Variants in EPM2A observed in about 807,000 individuals in gnomAD.
The protein encoded by EPM2A is EPM2A glucan phosphatase, laforin.
EPM2A carries 21 observed loss-of-function variants against 26.5 expected under a neutral mutation model. The observed-to-expected ratio is 0.79, with a 90% CI of 0.56 to 1.14. The LOEUF (loss-of-function observed/expected upper bound fraction) is 1.14. Among genes scored for constraint, EPM2A ranks in the 50% most tolerant of loss-of-function variants. The probability of loss-of-function intolerance (pLI) is 0.00; values close to 1 mark genes in which losing one functional copy is unlikely to be tolerated. For missense variants in EPM2A, 458 were observed against 440.8 expected, an observed-to-expected ratio of 1.04 and a Z score of -0.35; for synonymous variants, 217 against 177.6, an observed-to-expected ratio of 1.22 and a Z score of -1.76.
chr6:145,568,234 C>G (rs1212378603), intron 2 of EPM2A, among the ~76,000 whole-genome samples: 1 of 151,914 alleles, frequency 6.6e-6, no homozygotes, highest in Non-Finnish European at 1.5e-5. Flanking sequence ...CTCTCTGTTT[C>G]AAGTGAGAAA....
chr6:145,414,660 A>G (rs1326157384), intron 4 of EPM2A, among the ~76,000 whole-genome samples: 1 of 151,908 alleles, frequency 6.6e-6, no homozygotes, highest in Non-Finnish European at 1.5e-5. Context: ...ACATCCTATT[A>G]CTCTAACATC....
chr6:145,450,120 G>A (rs1468774970), intron 4 of EPM2A, among the ~76,000 whole-genome samples: 1 of 151,852 alleles, frequency 6.6e-6, no homozygotes, highest in South Asian at 2.1e-4. Flanking sequence ...TTGGGAGGCC[G>A]AGGTGGGCAG....
intron 1 of EPM2A, among the ~76,000 whole-genome samples, chr6:145,734,188 T>C (rs960902739): frequency 8.5e-5 from 13 of 152,190 alleles, no homozygotes; most frequent in Non-Finnish European, 7.3e-5. Flanking sequence ...AGAGGAAAAC[T>C]GAAAAGAACC....
chr6:145,439,917 C>T (rs181614098), intron 4 of EPM2A, among the ~76,000 whole-genome samples: 1 of 152,218 alleles, frequency 6.6e-6, no homozygotes, highest in African/African-American at 2.4e-5. Context: ...AATTGTATGT[C>T]CTACGTTATC....
At chr6:145,634,359 A>G (rs1274790641) in intron 3 of EPM2A, 1 of 152,298 alleles carries the variant, frequency 6.6e-6, no homozygotes, top group Non-Finnish European at 1.5e-5. Flanking sequence ...GCTTCCCCCT[A>G]GCATGCCCTT....
intron 4 of EPM2A, among the ~76,000 whole-genome samples, chr6:145,473,462 G>A (rs1779502089): frequency 6.6e-6 from 1 of 151,940 alleles, no homozygotes; most frequent in African/African-American, 2.4e-5. Flanking sequence ...CATATATAGA[G>A]GGGACAGAGA....
In EPM2A at chr6:145,409,346, T is replaced by C. The variant is rs1778612760; in HGVS notation, c.556-25249A>G. On this transcript the variant is annotated intron_variant, in intron 4 of 4. Transcript: ENST00000638717. ...ACAATATTTTATTCTTTAGAGACTA[T>C]CTATTTCTCCATATAGGTAGCCATT... Among the ~76,000 whole-genome samples the C allele has an allele frequency of 3.3e-5, 5 of 152,144 alleles. No individual in the cohort carries two copies. The South Asian group carries it at 1.0e-3, about 32-fold the overall frequency.
chr6:145,542,865 T>C (rs1780532633), intron 2 of EPM2A, among the ~76,000 whole-genome samples: 1 of 152,158 alleles, frequency 6.6e-6, no homozygotes, highest in Non-Finnish European at 1.5e-5. Flanking sequence ...TTCAAGTGAT[T>C]CTCTTGTCTC....
At chr6:145,453,789 C>T (rs1318235614) in intron 4 of EPM2A, among the ~76,000 whole-genome samples, 2 of 152,162 alleles carry the variant, frequency 1.3e-5, no homozygotes, top group Non-Finnish European at 2.9e-5. Context: ...CAAGTTCACC[C>T]TCATGTGTCA....
chr6:145,440,764 T>C (rs571130420), intron 4 of EPM2A, among the ~76,000 whole-genome samples: 1 of 152,246 alleles, frequency 6.6e-6, no homozygotes, highest in Non-Finnish European at 1.5e-5. Context: ...TTTGACTCCA[T>C]GTCTCATATC....
chr6:145,561,479 G>A (rs118116706), intron 2 of EPM2A, among the ~76,000 whole-genome samples: 2,587 of 152,110 alleles, frequency 0.017, 25 homozygotes, highest in Admixed American at 0.024. Flanking sequence ...ATTTGAAATG[G>A]CATTTCTCAT....
intron 2 of EPM2A, among the ~76,000 whole-genome samples, chr6:145,541,111 G>A (rs1024989328): frequency 4.6e-5 from 7 of 151,426 alleles, no homozygotes; most frequent in African/African-American, 1.7e-4. Flanking sequence ...CCAGAAAAAA[G>A]CATGTATGAA....
intron 2 of EPM2A, among the ~76,000 whole-genome samples, chr6:145,572,704 C>T (rs894472590): frequency 9.2e-5 from 14 of 152,190 alleles, no homozygotes; most frequent in Non-Finnish European, 1.9e-4. Flanking sequence ...AGGCTCTGAA[C>T]AGCATCCCTA....
chr6:145,431,494 C>T (rs886964523), intron 4 of EPM2A, among the ~76,000 whole-genome samples: 1 of 152,058 alleles, frequency 6.6e-6, no homozygotes, highest in African/African-American at 2.4e-5. Flanking sequence ...TTGTTTTTCC[C>T]AGTATATATA....
intron 4 of EPM2A, among the ~76,000 whole-genome samples, chr6:145,439,660 G>T (rs9497303): frequency 0.05 from 7,590 of 152,078 alleles, 624 homozygotes; most frequent in African/African-American, 0.17. Context: ...TTTTAATGAG[G>T]TTGTTTGTTT....
At chr6:145,655,372 A>G (rs1275322531) in intron 2 of EPM2A, among the ~76,000 whole-genome samples, 1 of 152,194 alleles carries the variant, frequency 6.6e-6, no homozygotes, top group Non-Finnish European at 1.5e-5. Context: ...GACCAAGAAA[A>G]AAATCCAAAG....
At chr6:145,443,772 G>T (rs979656444) in intron 4 of EPM2A, among the ~76,000 whole-genome samples, 2 of 152,156 alleles carry the variant, frequency 1.3e-5, no homozygotes, top group Non-Finnish European at 2.9e-5. Flanking sequence ...AGTGGGAGAT[G>T]ATTGAATCAT....
intron 4 of EPM2A, among the ~76,000 whole-genome samples, chr6:145,441,600 A>T (rs1322851189): frequency 6.6e-6 from 1 of 152,144 alleles, no homozygotes; most frequent in Non-Finnish European, 1.5e-5. Flanking sequence ...GTGGTGGCTC[A>T]TGCCTGTAAT....
chr6:145,714,450 A>G (rs1002785376), intron 1 of EPM2A, among the ~76,000 whole-genome samples: 4 of 152,230 alleles, frequency 2.6e-5, no homozygotes, highest in African/African-American at 9.6e-5. Context: ...TCTGGTCATA[A>G]AAACATCACC....
Sources: gnomAD v4.1 joint callset for allele counts (sites outside exome capture counted in the v4.1 genomes callset) on GRCh38, gnomAD v4.1.1 for gene constraint, MANE v1.5 for transcripts, NCBI Gene and HGNC (gene_info 2026-07-23, HGNC 2026-07-21) for gene names.